The following TMEM233 variants were observed in gnomAD, a reference collection of about 807,000 sequenced individuals.
The protein encoded by TMEM233 is dispanin subfamily B member 2.
TMEM233 carries 6 observed loss-of-function variants against 11.2 expected under a neutral mutation model. That is an observed-to-expected ratio of 0.54 (90% CI 0.29 to 1.06). The LOEUF (loss-of-function observed/expected upper bound fraction) is 1.06, where lower values mean the gene tolerates loss of function less well. Among genes scored for constraint, TMEM233 ranks in the 50% least tolerant of loss-of-function variants. The pLI is 0.08. For synonymous variants in TMEM233, 59 were observed against 55.8 expected, an observed-to-expected ratio of 1.06 and a Z score of -0.26; for missense variants, 127 against 144.7, an observed-to-expected ratio of 0.88 and a Z score of 0.63.
At chr12:119,648,728 C>T in the TMEM233 span, among the ~76,000 whole-genome samples, 1 of 152,022 alleles carries the variant, frequency 6.6e-6, no homozygotes, top group African/African-American at 2.4e-5. Context: ...ACATAAGTTT[C>T]CAATAGTTAT....
At chr12:119,646,415 T>A (rs1402016477), downstream of TMEM233, among the ~76,000 whole-genome samples, 1 of 152,102 alleles carries the variant, frequency 6.6e-6, no homozygotes, top group Non-Finnish European at 1.5e-5. Flanking sequence ...ACTTAATGAG[T>A]TAAAACAACC....
At chr12:119,624,359 CAA>C (rs200244351) in intron 1 of TMEM233, among the ~76,000 whole-genome samples, 1 of 136,164 alleles carries the variant, frequency 7.3e-6, no homozygotes, top group Non-Finnish European at 1.6e-5. Flanking sequence ...GACCTCATCT[CAA>C]AAAAAAAAAA....
At chr12:119,644,478 C>CTTTTTT (rs58075242), downstream of TMEM233, among the ~76,000 whole-genome samples, 12 of 126,994 alleles carry the variant, frequency 9.4e-5, no homozygotes, top group Non-Finnish European at 1.2e-4. Context: ...TTTTTCTTTT[C>CTTTTTT]TTTTTTTTTT....
rs1316987337 is a variant in TMEM233, at chr12:119,594,186, C to A, written c.186+152C>A. ...GTCCTCGCACCTCCTCCTCACCTTT[C>A]TCGGGCTCTCAGAGCTCTCCCCGCA... On this transcript the variant is annotated intron_variant, in intron 1 of 2. Transcript: ENST00000426426. The surrounding 1 kb of genome is among the most constrained non-coding windows in gnomAD (Gnocchi z 5.6). 5.5e-6 allele frequency: 4 copies of A among 728,458 alleles called. No homozygotes were observed. The highest frequency in any genetic ancestry group is 5.6e-5 in the Admixed American group (2 of 35,902). 45.1% of individuals were successfully genotyped at this position (728,458 alleles called of 1,614,324 possible). A position where few individuals can be genotyped will look rare whatever the true frequency, so the allele number is the denominator to read the frequency against.
chr12:119,615,452 A>G (rs1266285740), intron 1 of TMEM233, among the ~76,000 whole-genome samples: 5 of 152,182 alleles, frequency 3.3e-5, no homozygotes, highest in African/African-American at 1.2e-4. Context: ...CTTTCAAAAA[A>G]AAATTCTGAT....
At chr12:119,634,227 G>A (rs1480428329) in intron 2 of TMEM233, 8 of 985,198 alleles carry the variant, frequency 8.1e-6, no homozygotes, top group Non-Finnish European at 9.6e-6. Context: ...TCCACAGAGG[G>A]GCTGGAAAAT....
rs952157634 is a variant in TMEM233 at position 119,594,120 on chromosome 12, G to C, written c.186+86G>C. On this transcript the variant is annotated intron_variant, in intron 1 of 2. Coordinates refer to ENST00000426426, the MANE Select transcript of TMEM233 (RefSeq NM_001136534.3). The surrounding 1 kb of genome is among the most constrained non-coding windows in gnomAD (Gnocchi z 5.6). ...GCAGGGGAGTCCGCGCGCTCTCTGC[G>C]GCTCCCTTCCTCACGGCCCGGCCCG... 8 of 1,372,438 alleles carry C rather than the reference G, an allele frequency of 5.8e-6. No individual in the cohort carries two copies. The African/African-American group carries it at 1.2e-4, about 20-fold the overall frequency. The allele number at this position is 1,372,438 out of a possible 1,614,324, so 85.0% of individuals were successfully genotyped here. A position where few individuals can be genotyped will look rare whatever the true frequency, so the allele number is the denominator to read the frequency against.
At chr12:119,598,249 G>A (rs1023562449) in intron 1 of TMEM233, among the ~76,000 whole-genome samples, 2 of 152,180 alleles carry the variant, frequency 1.3e-5, no homozygotes, top group African/African-American at 4.8e-5. Flanking sequence ...CAAGTTGCAA[G>A]AGTGTTGGCA....
chr12:119,635,214 G>A (rs1163650848), intron 2 of TMEM233, among the ~76,000 whole-genome samples: 1 of 152,114 alleles, frequency 6.6e-6, no homozygotes, highest in Non-Finnish European at 1.5e-5. Context: ...CTCAAGCAAG[G>A]TTAGGTTATT....
intron 2 of TMEM233, among the ~76,000 whole-genome samples, chr12:119,630,670 G>A (rs1954860589): frequency 6.6e-6 from 1 of 152,220 alleles, no homozygotes; most frequent in African/African-American, 2.4e-5. Context: ...AGGAAGACTG[G>A]AGAATCCCAC....
At chr12:119,609,236 GC>G in intron 1 of TMEM233, among the ~76,000 whole-genome samples, 1 of 152,304 alleles carries the variant, frequency 6.6e-6, no homozygotes, top group East Asian at 1.9e-4. Flanking sequence ...TTTTACCTCT[GC>G]CCTAGAGATC....
intron 1 of TMEM233, among the ~76,000 whole-genome samples, chr12:119,622,654 T>C (rs1253792406): frequency 1.3e-5 from 2 of 152,118 alleles, no homozygotes; most frequent in Non-Finnish European, 2.9e-5. Context: ...GTTAGTTCTC[T>C]ACCCTTAAGC....
chr12:119,651,083 C>T, the TMEM233 span, among the ~76,000 whole-genome samples: 743 of 152,300 alleles, frequency 4.9e-3, 8 homozygotes, highest in African/African-American at 0.017. Flanking sequence ...TCCGAGTATA[C>T]GATTTAGGAT....
chr12:119,612,842 T>C (rs149603976), intron 1 of TMEM233, among the ~76,000 whole-genome samples: 2,018 of 151,204 alleles, frequency 0.013, 40 homozygotes, highest in African/African-American at 0.047. Flanking sequence ...ATCACTAGAG[T>C]ACAGGAGGTC....
At chr12:119,631,684 G>A (rs1344381782) in intron 2 of TMEM233, 14 of 985,170 alleles carry the variant, frequency 1.4e-5, no homozygotes, top group Non-Finnish European at 1.7e-5. Flanking sequence ...GGGTTTAATG[G>A]TGCAGTTTTG....
chr12:119,619,602 T>C (rs1049700374), intron 1 of TMEM233, among the ~76,000 whole-genome samples: 5 of 151,292 alleles, frequency 3.3e-5, no homozygotes, highest in Admixed American at 1.3e-4. Context: ...GATCATGCCA[T>C]TGCACTCCAG....
At chr12:119,605,884 A>T (rs1954270168) in intron 1 of TMEM233, among the ~76,000 whole-genome samples, 1 of 152,180 alleles carries the variant, frequency 6.6e-6, no homozygotes, top group East Asian at 1.9e-4. Context: ...TAGACAGCCA[A>T]AAGGACAATT....
intron 1 of TMEM233, among the ~76,000 whole-genome samples, chr12:119,603,136 C>T (rs1423224005): frequency 6.6e-6 from 1 of 152,032 alleles, no homozygotes; most frequent in Non-Finnish European, 1.5e-5. Context: ...CTGGGCACAG[C>T]AGTGAGTGCC....
chr12:119,609,088 A>G (rs1954342065), intron 1 of TMEM233, among the ~76,000 whole-genome samples: 1 of 152,210 alleles, frequency 6.6e-6, no homozygotes, highest in African/African-American at 2.4e-5. Context: ...GGAACTTCCT[A>G]GAGACTTGCT....
Sources: gnomAD v4.1 joint callset for allele counts (sites outside exome capture counted in the v4.1 genomes callset) on GRCh38, gnomAD v4.1.1 for gene constraint, Gnocchi (gnomAD v3.1) non-coding constraint, MANE v1.5 for transcripts, NCBI Gene and HGNC (gene_info 2026-07-23, HGNC 2026-07-21) for gene names.